The following RGS20 variants were observed in gnomAD, a reference collection of about 807,000 sequenced individuals.
RGS20 encodes gz-selective GTPase-activating protein.
Under a neutral mutation model 33.6 loss-of-function variants are expected in RGS20, and 30 were observed. The observed-to-expected ratio is 0.89, with a 90% CI of 0.67 to 1.21. RGS20 has a LOEUF of 1.21. RGS20 is among the 50% of genes most tolerant of loss of function. The pLI is 0.00. For synonymous variants in RGS20, 208 were observed against 197.9 expected (o/e 1.05, Z -0.43); for missense variants, 472 against 502.4 (o/e 0.94, Z 0.58).
At chr8:53,945,968 C>CAACA (rs1427884821) in intron 3 of RGS20, among the ~76,000 whole-genome samples, 1 of 151,206 alleles carries the variant, frequency 6.6e-6, no homozygotes, top group Non-Finnish European at 1.5e-5. Context: ...TTTACGATAA[C>CAACA]AACAAAAATA....
At chr8:53,899,340 G>T (rs1812949456) in intron 2 of RGS20, among the ~76,000 whole-genome samples, 1 of 152,176 alleles carries the variant, frequency 6.6e-6, no homozygotes, top group Non-Finnish European at 1.5e-5. Flanking sequence ...GCAGGCAGCT[G>T]ACTTATGTCA....
In RGS20 at chr8:53,879,168, G is replaced by A. The variant is rs1001683315; in HGVS notation, c.166-90G>A. The A allele has an allele frequency of 4.3e-5, 45 of 1,040,722 alleles. No homozygotes were observed. In the East Asian group the frequency reaches 1.1e-3, roughly 25 times the overall value. The allele number at this position is 1,040,722 out of a possible 1,614,324, so 64.5% of individuals were successfully genotyped here. ...CCTTCTCTTGCACCCCCAAAGTAAC[G>A]CTTCAAAATTCTGTAGTAAAGAGCC... On this transcript the variant is annotated intron_variant, in intron 1 of 5. Coordinates refer to ENST00000297313, the MANE Select transcript of RGS20 (RefSeq NM_170587.4).
intron 2 of RGS20, among the ~76,000 whole-genome samples, chr8:53,914,084 G>T (rs977835526): frequency 7.0e-4 from 98 of 139,728 alleles, no homozygotes; most frequent in African/African-American, 2.6e-3. Context: ...AAGCTGGAGT[G>T]CAGTGGCACC....
At chr8:53,873,210 C>T (rs1314969363) in intron 1 of RGS20, among the ~76,000 whole-genome samples, 1 of 152,156 alleles carries the variant, frequency 6.6e-6, no homozygotes, top group African/African-American at 2.4e-5. Context: ...TCCCTTAGAC[C>T]TCTCCAAAAG....
At chr8:53,852,261 C>A (rs1196052418) in intron 1 of RGS20, among the ~76,000 whole-genome samples, 1 of 152,224 alleles carries the variant, frequency 6.6e-6, no homozygotes, top group African/African-American at 2.4e-5. Context: ...TTTCTCCAAT[C>A]TAAACAGATT....
chr8:53,930,939 C>A (rs531302108), intron 2 of RGS20, among the ~76,000 whole-genome samples: 1 of 152,092 alleles, frequency 6.6e-6, no homozygotes, highest in African/African-American at 2.4e-5. Context: ...CCTCAGTGCC[C>A]GAATTGAGTG....
At chr8:53,942,863 G>A (rs1814346731) in intron 3 of RGS20, among the ~76,000 whole-genome samples, 1 of 151,154 alleles carries the variant, frequency 6.6e-6, no homozygotes, top group Non-Finnish European at 1.5e-5. Context: ...CGGCATGGTG[G>A]CATGTGCCTG....
In RGS20 at chr8:53,939,566, C is replaced by A. The variant is rs374615831; in HGVS notation, c.511-10C>A. 6.5e-7 allele frequency: 1 copy of A among 1,532,944 alleles called. No individual in the cohort carries two copies. Among genetic ancestry groups the A allele is most frequent in the Non-Finnish European group, 8.8e-7 (1 of 1,137,356 alleles). 95.0% of individuals were successfully genotyped at this position (1,532,944 alleles called of 1,614,324 possible). A position where few individuals can be genotyped will look rare whatever the true frequency, so the allele number is the denominator to read the frequency against. ...CCCTCCCGCCCGCTTTGTTCCTCTC[C>A]CTCTTGCAGCAGATGGGATCAGAGC... is the stretch of plus-strand genomic sequence containing the variant. On this transcript the variant is annotated splice_polypyrimidine_tract_variant and intron_variant, in intron 2 of 5. Transcript: ENST00000297313.
chr8:53,884,189 G>GTTTTTTT, intron 2 of RGS20, among the ~76,000 whole-genome samples: 2 of 122,872 alleles, frequency 1.6e-5, no homozygotes, highest in African/African-American at 8.5e-5. Flanking sequence ...TAGAAAAACA[G>GTTTTTTT]TCTTTTTTTT....
At chr8:53,879,215 A>G (rs1812277325) in intron 1 of RGS20, 1 of 1,547,498 alleles carries the variant, frequency 6.5e-7, no homozygotes, top group Non-Finnish European at 8.9e-7. Context: ...GCCGGACACC[A>G]CAGTAACCGT....
intron 2 of RGS20, among the ~76,000 whole-genome samples, chr8:53,903,618 C>G (rs1460181419): frequency 6.6e-6 from 1 of 152,150 alleles, no homozygotes; most frequent in Non-Finnish European, 1.5e-5. Flanking sequence ...TTCTTCCCAG[C>G]CTGAGCCAAG....
chr8:53,948,331 A>AAC (rs1491529134), intron 4 of RGS20, among the ~76,000 whole-genome samples: 1 of 133,648 alleles, frequency 7.5e-6, no homozygotes, highest in Non-Finnish European at 1.5e-5. Context: ...TGCTATATAT[A>AAC]AGACAGTATA....
chr8:53,873,965 G>A (rs1198073157), intron 1 of RGS20, among the ~76,000 whole-genome samples: 2 of 152,128 alleles, frequency 1.3e-5, no homozygotes, highest in East Asian at 1.9e-4. Flanking sequence ...TTAGGAGGCC[G>A]AGGAGAGTGG....
chr8:53,887,638 T>C (rs1812585212), intron 2 of RGS20, among the ~76,000 whole-genome samples: 1 of 152,196 alleles, frequency 6.6e-6, no homozygotes, highest in African/African-American at 2.4e-5. Context: ...TGATAATTAA[T>C]GACAGGAAGT....
intron 2 of RGS20, among the ~76,000 whole-genome samples, chr8:53,880,521 C>T (rs1336710256): frequency 1.3e-5 from 2 of 152,112 alleles, no homozygotes; most frequent in African/African-American, 2.4e-5. Flanking sequence ...AGCGCCCCCT[C>T]CATGCCTGCC....
intron 2 of RGS20, among the ~76,000 whole-genome samples, chr8:53,894,064 G>A (rs1812787287): frequency 6.6e-6 from 1 of 152,118 alleles, no homozygotes; most frequent in Admixed American, 6.5e-5. Flanking sequence ...TGATAATTAG[G>A]AGGCTACATA....
intron 4 of RGS20, among the ~76,000 whole-genome samples, chr8:53,952,261 T>A (rs1170781131): frequency 7.5e-6 from 1 of 132,720 alleles, no homozygotes; most frequent in Non-Finnish European, 1.6e-5. Flanking sequence ...TTTTTTTTTT[T>A]TTTTGAGACA....
chr8:53,883,502 A>G (rs1430632147), intron 2 of RGS20, among the ~76,000 whole-genome samples: 2 of 152,244 alleles, frequency 1.3e-5, no homozygotes, highest in East Asian at 3.9e-4. Flanking sequence ...AGTAACGCAT[A>G]TGAGAGGCAG....
intron 5 of RGS20, among the ~76,000 whole-genome samples, chr8:53,957,012 C>CA (rs1814887463): frequency 6.6e-6 from 1 of 152,178 alleles, no homozygotes; most frequent in African/African-American, 2.4e-5. Context: ...CATTAAATCA[C>CA]AAAAAACCTA....
Sources: gnomAD v4.1 joint callset for allele counts (sites outside exome capture counted in the v4.1 genomes callset) on GRCh38, gnomAD v4.1.1 for gene constraint, MANE v1.5 for transcripts, NCBI Gene and HGNC (gene_info 2026-07-23, HGNC 2026-07-21) for gene names.